Variants in SWT1 observed in about 807,000 individuals in gnomAD.
SWT1 encodes the protein transcriptional protein SWT1.
A neutral mutation model predicts 107.3 loss-of-function variants in SWT1; 33 were observed. That is an observed-to-expected ratio of 0.31 (90% CI 0.23 to 0.41). SWT1 has a LOEUF of 0.41. Among genes scored for constraint, SWT1 ranks in the 10% least tolerant of loss-of-function variants. The pLI is 1.00. For missense variants in SWT1, 898 were observed against 1,028.9 expected (o/e 0.87, Z 1.74); for synonymous variants, 345 against 348.3 (o/e 0.99, Z 0.11).
intron 12 of SWT1, 34 bp downstream of exon 12, chr1:185,204,897 T>C: frequency 7.4e-7 from 1 of 1,346,240 alleles, no homozygotes; most frequent in South Asian, 1.6e-5. Flanking sequence ...TGAAAATTTC[T>C]TTTTTATTGC....
At chr1:185,190,459 AT>A (rs1228557163) in intron 9 of SWT1, 89 bp from the exon 10 acceptor site, 2 of 721,488 alleles carry the variant, frequency 2.8e-6, no homozygotes, top group Non-Finnish European at 5.0e-6. Flanking sequence ...TCTCTTAGAT[AT>A]TTTTGTTTTG....
In SWT1 at chr1:185,291,012, C is replaced by G; in HGVS notation, c.*209C>G. On this transcript the variant is annotated 3_prime_UTR_variant, in exon 19 of 19. Transcript: ENST00000367500. ...TGGAATAAACTCCATAGACTCAACT[C>G]TTCTGGAGTTCACAATGCCTCCCTA... The G allele has an allele frequency of 3.2e-6, 1 of 316,608 alleles. No individual in the cohort carries two copies. Among genetic ancestry groups the G allele is most frequent in the Non-Finnish European group, 5.8e-6 (1 of 172,156 alleles). 19.6% of individuals were successfully genotyped at this position (316,608 alleles called of 1,614,324 possible).
At chr1:185,218,110 A>G (rs1571533041) in intron 14 of SWT1, among the ~76,000 whole-genome samples, 1 of 152,154 alleles carries the variant, frequency 6.6e-6, no homozygotes, top group South Asian at 2.1e-4. Flanking sequence ...ATTAGATTTG[A>G]TATATGTCTT....
At chr1:185,226,918 C>A in intron 15 of SWT1, 1 of 1,187,144 alleles carries the variant, frequency 8.4e-7, no homozygotes, top group Non-Finnish European at 1.2e-6. Context: ...TTCTTTTTAA[C>A]TTCTTTCTGC....
chr1:185,217,341 T>C (rs1324829829), intron 14 of SWT1, among the ~76,000 whole-genome samples: 1 of 152,138 alleles, frequency 6.6e-6, no homozygotes, highest in East Asian at 1.9e-4. Flanking sequence ...TTACAGTTGC[T>C]CCCCATCACT....
chr1:185,257,993 A>G (rs1452477416), intron 16 of SWT1: 1 of 152,032 alleles, frequency 6.6e-6, no homozygotes, highest in Non-Finnish European at 1.5e-5. Context: ...TTAGTTGTAA[A>G]TGCCACTACA....
intron 9 of SWT1, among the ~76,000 whole-genome samples, chr1:185,185,922 C>G (rs1442651005): frequency 6.6e-6 from 1 of 152,066 alleles, no homozygotes; most frequent in African/African-American, 2.4e-5. Context: ...CTTTAGTTGA[C>G]TATAATTTTA....
At chr1:185,205,678 T>C (rs1009285541) in intron 12 of SWT1, among the ~76,000 whole-genome samples, 1 of 152,200 alleles carries the variant, frequency 6.6e-6, no homozygotes, top group Admixed American at 6.5e-5. Context: ...AGAAACATGA[T>C]TTTGCATCAA....
intron 18 of SWT1, among the ~76,000 whole-genome samples, chr1:185,276,961 G>A (rs964473378): frequency 2.6e-5 from 4 of 151,936 alleles, no homozygotes; most frequent in African/African-American, 9.7e-5. Flanking sequence ...TCATTATCTA[G>A]CTATATTTGC....
rs779232119 is a variant in SWT1 at position 185,160,975 on chromosome 1, C to T, written c.84+50C>T. The T allele has an allele frequency of 2.9e-6, 4 of 1,385,912 alleles. No individual in the cohort carries two copies. The East Asian group carries it at 9.3e-5, about 32-fold the overall frequency. The allele number at this position is 1,385,912 out of a possible 1,614,324, so 85.9% of individuals were successfully genotyped here. A position where few individuals can be genotyped will look rare whatever the true frequency, so the allele number is the denominator to read the frequency against. Reference sequence around the variant, plus strand: ...AGAGATACATTTCAATTTATTTTTGCTTAATGAAAAAAATACACCTTACTA... The same window carrying T: ...AGAGATACATTTCAATTTATTTTTGTTTAATGAAAAAAATACACCTTACTA... On this transcript the variant is annotated intron_variant, in intron 2 of 18. Transcript: ENST00000367500.
chr1:185,281,410 T>G, intron 18 of SWT1: 1 of 229,356 alleles, frequency 4.4e-6, no homozygotes, highest in South Asian at 7.8e-5. Flanking sequence ...GTCAAACACT[T>G]GTTATGAGAC....
intron 11 of SWT1, among the ~76,000 whole-genome samples, chr1:185,203,425 C>T (rs1571493612): frequency 6.6e-6 from 1 of 151,958 alleles, no homozygotes; most frequent in East Asian, 1.9e-4. Flanking sequence ...TCGAGACCAG[C>T]CTGGCCAACA....
At chr1:185,272,991 C>G (rs923715124) in intron 17 of SWT1, among the ~76,000 whole-genome samples, 1 of 151,768 alleles carries the variant, frequency 6.6e-6, no homozygotes, top group African/African-American at 2.4e-5. Context: ...CATGTTCATA[C>G]CACTGCACTC....
intron 17 of SWT1, among the ~76,000 whole-genome samples, chr1:185,273,357 A>C (rs916330017): frequency 6.6e-6 from 1 of 151,004 alleles, no homozygotes; most frequent in African/African-American, 2.4e-5. Flanking sequence ...GTGAGCCGAG[A>C]TTGCACCACT....
At chr1:185,193,868 C>T (rs961020280) in intron 10 of SWT1, among the ~76,000 whole-genome samples, 1 of 152,098 alleles carries the variant, frequency 6.6e-6, no homozygotes, top group Non-Finnish European at 1.5e-5. Flanking sequence ...TGTTTTGCTT[C>T]GTGTATTGTG....
In SWT1 at chr1:185,160,850, C is replaced by G; in HGVS notation, c.9C>G (p.Ser3Arg). 1.2e-6 allele frequency: 2 copies of G among 1,611,104 alleles called. No homozygotes were observed. The highest frequency in any genetic ancestry group is 1.7e-6 in the Non-Finnish European group (2 of 1,178,702). The change falls in exon 2 of 19, where the codon AGC (serine) becomes AGG (arginine). Residue 3 changes from serine (S) to arginine (R), a missense_variant. Physicochemically the swap from Ser to Arg is moderately radical, Grantham distance 110. Transcript: ENST00000367500. ...TATGTTAGCTTTTCAGGATGTCCAG[C>G]AAAGAATCCTGTGGGAAAAAAGAGA... MSSKESCGKKETS... is the reference protein window; with the variant it reads MSRKESCGKKETS...
intron 10 of SWT1, among the ~76,000 whole-genome samples, chr1:185,199,608 G>A (rs1416246654): frequency 6.6e-6 from 1 of 152,220 alleles, no homozygotes; most frequent in Non-Finnish European, 1.5e-5. Context: ...TCTGCTGAGA[G>A]ATCTGCTGTT....
chr1:185,250,507 G>A (rs1344746713), intron 16 of SWT1, among the ~76,000 whole-genome samples: 1 of 152,032 alleles, frequency 6.6e-6, no homozygotes, highest in Non-Finnish European at 1.5e-5. Context: ...TCCAGATGCA[G>A]CCTACCACTC....
At position 185,281,342 on chromosome 1, in the gene SWT1, CA is replaced by C. The variant is rs1483698745; in HGVS notation, c.2573+4679del. The C allele has an allele frequency of 1.3e-5, 3 of 234,676 alleles. No homozygotes were observed. In the South Asian group the frequency reaches 2.2e-4, roughly 17 times the overall value. 14.5% of individuals were successfully genotyped at this position (234,676 alleles called of 1,614,324 possible). A position where few individuals can be genotyped will look rare whatever the true frequency, so the allele number is the denominator to read the frequency against. ...GTTCATGTTGATAGAACTACAACCA[CA>C]AAAACATTTGAGCATGTGACTGTGA... On this transcript the variant is annotated intron_variant, in intron 18 of 18. Transcript: ENST00000367500.
Sources: gnomAD v4.1 joint callset for allele counts (sites outside exome capture counted in the v4.1 genomes callset) on GRCh38, gnomAD v4.1.1 for gene constraint, MANE v1.5 for transcripts, NCBI Gene and HGNC (gene_info 2026-07-23, HGNC 2026-07-21) for gene names.